Variants in NEBL observed in about 807,000 individuals in gnomAD.
The protein encoded by NEBL is LIM and SH3 protein 2.
A neutral mutation model predicts 140.2 loss-of-function variants in NEBL; 122 were observed. The ratio of observed to expected loss-of-function variants is 0.87; its 90% CI spans 0.75 to 1.01. The LOEUF (loss-of-function observed/expected upper bound fraction) is 1.01, where lower values mean the gene tolerates loss of function less well. Ranked by LOEUF, NEBL falls within the 50% of genes least tolerant of loss-of-function variation. NEBL has a pLI of 0.00. For missense variants in NEBL, 1,365 were observed against 1,231.3 expected (o/e 1.11, Z -1.62); for synonymous variants, 436 against 398.9 (o/e 1.09, Z -1.11).
chr10:21,243,464 G>A (rs1323766052), intron 3 of NEBL, among the ~76,000 whole-genome samples: 2 of 151,802 alleles, frequency 1.3e-5, no homozygotes, highest in African/African-American at 2.4e-5. Context: ...ACGCCATCAC[G>A]CCTCGCTAAT....
chr10:21,196,029 A>C (rs1841641982), intron 3 of NEBL, among the ~76,000 whole-genome samples: 2 of 152,120 alleles, frequency 1.3e-5, no homozygotes, highest in Admixed American at 1.3e-4. Flanking sequence ...TTTCAGATGG[A>C]GTCTCACTCT....
chr10:21,285,910 G>C (rs530649543), intron 1 of NEBL, among the ~76,000 whole-genome samples: 2 of 152,206 alleles, frequency 1.3e-5, no homozygotes, highest in Non-Finnish European at 2.9e-5. Flanking sequence ...CACCCTGTGA[G>C]AGTTAAGTGC....
chr10:20,860,901 T>C (rs1446531428), intron 7 of NEBL, among the ~76,000 whole-genome samples: 3 of 152,168 alleles, frequency 2.0e-5, no homozygotes, highest in Non-Finnish European at 2.9e-5. Context: ...AGAGAAAATC[T>C]TGGTGGGAAT....
intron 3 of NEBL, among the ~76,000 whole-genome samples, chr10:21,235,548 C>G (rs1206213094): frequency 1.3e-5 from 2 of 152,116 alleles, no homozygotes; most frequent in African/African-American, 4.8e-5. Flanking sequence ...CTCCTGGCCT[C>G]CAGCGATGCA....
chr10:21,123,093 A>C (rs1419829601), intron 2 of NEBL, among the ~76,000 whole-genome samples: 1 of 152,214 alleles, frequency 6.6e-6, no homozygotes, highest in Non-Finnish European at 1.5e-5. Flanking sequence ...TGGACAATGA[A>C]GACTGCCTTC....
chr10:20,949,198 A>T (rs1835323897), intron 4 of NEBL, among the ~76,000 whole-genome samples: 1 of 152,228 alleles, frequency 6.6e-6, no homozygotes, highest in South Asian at 2.1e-4. Context: ...ACCCAGGAAC[A>T]GAAAACCAAA....
chr10:20,816,523 T>A (rs1475166295), intron 21 of NEBL, among the ~76,000 whole-genome samples: 1 of 152,158 alleles, frequency 6.6e-6, no homozygotes, highest in Non-Finnish European at 1.5e-5. Context: ...TCTAAATATA[T>A]GGGGGAAAGA....
intron 3 of NEBL, among the ~76,000 whole-genome samples, chr10:20,984,192 A>G (rs911667460): frequency 1.3e-5 from 2 of 152,114 alleles, no homozygotes; most frequent in African/African-American, 2.4e-5. Context: ...CCAAAAACAC[A>G]TAGTAAAAAT....
At chr10:20,950,231 T>C (rs188991134) in intron 4 of NEBL, among the ~76,000 whole-genome samples, 242 of 152,338 alleles carry the variant, frequency 1.6e-3, no homozygotes, top group African/African-American at 5.4e-3. Context: ...GCGCGGCACA[T>C]AGTAAACACT....
intron 3 of NEBL, among the ~76,000 whole-genome samples, chr10:20,990,303 T>C (rs1411805213): frequency 1.3e-5 from 2 of 152,158 alleles, no homozygotes; most frequent in African/African-American, 4.8e-5. Flanking sequence ...TATGTTTGTG[T>C]CCTCCCCAAA....
At chr10:21,139,987 C>CAAAAAAA (rs11289396) in intron 2 of NEBL, among the ~76,000 whole-genome samples, 22 of 99,636 alleles carry the variant, frequency 2.2e-4, no homozygotes, top group Non-Finnish European at 3.3e-4. Flanking sequence ...CCTGTCTCAA[C>CAAAAAAA]AAAAAAAAAA....
chr10:20,814,298 T>C (rs1412284550), intron 22 of NEBL, among the ~76,000 whole-genome samples: 1 of 152,068 alleles, frequency 6.6e-6, no homozygotes, highest in Non-Finnish European at 1.5e-5. Context: ...TAACTATCTA[T>C]CTAGTCTGTA....
intron 3 of NEBL, among the ~76,000 whole-genome samples, chr10:21,216,313 G>T (rs116693805): frequency 1.9e-3 from 286 of 152,288 alleles, no homozygotes; most frequent in African/African-American, 6.4e-3. Flanking sequence ...AAGACAAGGA[G>T]AAGTCAAAAG....
At chr10:21,211,305 C>T (rs1305637560) in intron 3 of NEBL, among the ~76,000 whole-genome samples, 4 of 143,558 alleles carry the variant, frequency 2.8e-5, no homozygotes, top group East Asian at 1.9e-4. Context: ...ATAGGAAGAC[C>T]GCGTTTCTAC....
Position 20,819,054 on chromosome 10 carries a change from C to T in NEBL, c.2055+370G>A. 3 of 1,032,930 alleles carry T rather than the reference C, an allele frequency of 2.9e-6. No individual in the cohort carries two copies. In the East Asian group the frequency reaches 2.2e-4, roughly 76 times the overall value. 64.0% of individuals were successfully genotyped at this position (1,032,930 alleles called of 1,614,324 possible). A position where few individuals can be genotyped will look rare whatever the true frequency, so the allele number is the denominator to read the frequency against. ...GATTCATCCATATAATTGCATGTTG[C>T]TCAAATTCATTTTCTTTTAAAACTT... On this transcript the variant is annotated intron_variant, in intron 20 of 27. Coordinates refer to ENST00000377122, the MANE Select transcript of NEBL (RefSeq NM_006393.3).
chr10:21,057,926 A>G (rs1017534020), intron 2 of NEBL, among the ~76,000 whole-genome samples: 1 of 152,150 alleles, frequency 6.6e-6, no homozygotes, highest in African/African-American at 2.4e-5. Context: ...TCCGAATTTC[A>G]TCAGTAAATC....
chr10:21,089,159 G>C (rs1305774828), intron 2 of NEBL, among the ~76,000 whole-genome samples: 1 of 151,950 alleles, frequency 6.6e-6, no homozygotes, highest in East Asian at 1.9e-4. Context: ...TGAGTTTTCT[G>C]CTTGAGCGGA....
rs397517204 is a variant in NEBL at position 20,896,943 on chromosome 10, A to C, written c.153+15T>G. On this transcript the variant is annotated intron_variant, in intron 2 of 27. Coordinates refer to ENST00000377122, the MANE Select transcript of NEBL (RefSeq NM_006393.3). ...TGCAATGCAAAATAAGACAAAAATT[A>C]CTCCAGCCACTTACATCGCTAATGA... 7.1e-4 allele frequency: 1,140 copies of C among 1,611,388 alleles called. 17 individuals are homozygous for C. In the South Asian group the frequency reaches 0.011, roughly 16 times the overall value.
chr10:20,845,278 T>C lies in NEBL; in HGVS notation c.1207A>G (p.Ile403Val), dbSNP rs200534792. The C allele has an allele frequency of 9.5e-6, 15 of 1,583,188 alleles. No individual in the cohort carries two copies. Among genetic ancestry groups the C allele is most frequent in the Non-Finnish European group, 1.3e-5 (15 of 1,152,328 alleles). ...CGTACCTCCCTCAGAAGGTTGGTGATGTACTTTACATGTAAAAATTCTGGA... is the reference window on the plus strand; with the variant it reads ...CGTACCTCCCTCAGAAGGTTGGTGACGTACTTTACATGTAAAAATTCTGGA... ...KTPEFLHVKY[I>V]TNLLREKEYK... Residue 403 changes from isoleucine (I) to valine (V), a missense_variant, in exon 12 of 28, where the codon ATC becomes GTC. This residue lies in a region of NEBL where 1,323 missense variants were observed against 1,154.8 expected (regional missense o/e 1.15). Transcript: ENST00000377122.
Sources: gnomAD v4.1 joint callset for allele counts (sites outside exome capture counted in the v4.1 genomes callset) on GRCh38, gnomAD v4.1.1 for gene constraint, gnomAD v4.1.1 regional missense constraint, MANE v1.5 for transcripts, NCBI Gene and HGNC (gene_info 2026-07-23, HGNC 2026-07-21) for gene names.